Variants in HSP90AB1 observed in about 807,000 individuals in gnomAD.
HSP90AB1 encodes heat shock protein 90 alpha family class B member 1.
In HSP90AB1, 17 loss-of-function variants were observed where a neutral mutation model predicts 67.8. The ratio of observed to expected loss-of-function variants is 0.25; its 90% CI spans 0.17 to 0.38. The LOEUF is 0.38. HSP90AB1 is among the 10% of genes least tolerant of loss of function. The pLI is 1.00. For synonymous variants in HSP90AB1, 390 were observed against 312.9 expected (o/e 1.25, Z -2.60); for missense variants, 690 against 899.9 (o/e 0.77, Z 2.98).
rs1453950334 is a variant in HSP90AB1, at chr6:44,251,309, ATAG to A, written c.1123+100_1123+102del. On this transcript the variant is annotated intron_variant, in intron 7 of 11. Coordinates refer to ENST00000371646, the MANE Select transcript of HSP90AB1 (RefSeq NM_007355.4). ...CTAAGGTAACAGTTTTCTGCAATAC[ATAG>A]TAGGTGTAAGGGTTCAGGAGGCTAT... 38 of 1,533,366 alleles carry A rather than the reference ATAG, an allele frequency of 2.5e-5. No homozygotes were observed. In the African/African-American group the frequency reaches 5.1e-4, roughly 20 times the overall value. 95.0% of individuals were successfully genotyped at this position (1,533,366 alleles called of 1,614,324 possible).
At chr6:44,248,121 TG>T (rs1211539430) in intron 1 of HSP90AB1, 1 of 152,900 alleles carries the variant, frequency 6.5e-6, no homozygotes, top group African/African-American at 2.4e-5. Flanking sequence ...CCCTGCCCTA[TG>T]GGGCAGGAGT....
Position 44,253,129 on chromosome 6 carries a change from A to G in HSP90AB1, c.1816A>G (p.Met606Val), listed in dbSNP as rs756400132. 6.2e-7 allele frequency: 1 copy of G among 1,614,236 alleles called. No individual in the cohort carries two copies. The highest frequency in any genetic ancestry group is 1.1e-5 in the South Asian group (1 of 91,086). ...CTGGACAGCCAATATGGAGCGGATC[A>G]TGAAAGCCCAGGCACTTCGGGACAA... Reference protein sequence around the residue: ...YGWTANMERIMKAQALRDNST... With the variant: ...YGWTANMERIVKAQALRDNST... The change falls in exon 11 of 12, where the codon ATG (methionine) becomes GTG (valine). Residue 606 changes from methionine (M) to valine (V), a missense_variant. Met to Val is a conservative substitution (Grantham distance 21, BLOSUM62 1). Transcript: ENST00000371646.
In HSP90AB1 at chr6:44,253,473, C is replaced by G; in HGVS notation, c.2066-16C>G. ...TGCTATTTGGTCAAGTCTCACATGG[C>G]TTAATTTTACTTCAGGTATTGATGA... On this transcript the variant is annotated splice_polypyrimidine_tract_variant and intron_variant, in intron 11 of 11. Transcript: ENST00000371646. 6.2e-7 allele frequency: 1 copy of G among 1,611,228 alleles called. No homozygotes were observed. The highest frequency in any genetic ancestry group is 8.5e-7 in the Non-Finnish European group (1 of 1,177,544).
intron 1 of HSP90AB1, among the ~76,000 whole-genome samples, chr6:44,247,589 A>C (rs541298668): frequency 6.6e-6 from 1 of 152,316 alleles, no homozygotes; most frequent in African/African-American, 2.4e-5. Context: ...GTGACTCAGC[A>C]CGGCCTTGTG....
chr6:44,246,469 CAGT>C (rs1244684796), upstream of HSP90AB1: 1 of 153,470 alleles, frequency 6.5e-6, no homozygotes, highest in African/African-American at 2.4e-5. Flanking sequence ...GGAAATGCCG[CAGT>C]GCCGCCGCCG....
rs1185231526 is a variant in HSP90AB1 at position 44,253,604 on chromosome 6, G to A, written c.*6G>A. On this transcript the variant is annotated 3_prime_UTR_variant, in exon 12 of 12. Transcript: ENST00000371646. ...GCATGGAAGAAGTCGATTAGGTTAG[G>A]AGTTCATAGTTGGAAAACTTGTGCC... The A allele has an allele frequency of 1.2e-6, 2 of 1,609,736 alleles. No homozygotes were observed. The highest frequency in any genetic ancestry group is 1.7e-4 in the Middle Eastern group (1 of 6,048).
In HSP90AB1 at chr6:44,250,355, A is replaced by G; in HGVS notation, c.713A>G (p.Glu238Gly). The change falls in exon 6 of 12, where the codon GAA becomes GGA. Residue 238 changes from glutamate to glycine, a missense_variant. Coordinates refer to ENST00000371646, the MANE Select transcript of HSP90AB1 (RefSeq NM_007355.4). ...DEAEEEKGEK[E>G]EEDKDDEEKP... ...GCAGAGGAAGAGAAAGGTGAGAAAG[A>G]AGAGGAAGATAAAGATGATGAAGAA... The G allele has an allele frequency of 6.2e-7, 1 of 1,613,828 alleles. No individual in the cohort carries two copies.
chr6:44,251,414 G>C lies in HSP90AB1; in HGVS notation c.1124-4G>C, dbSNP rs895017200. On this transcript the variant is annotated splice_polypyrimidine_tract_variant and splice_region_variant and intron_variant, in intron 7 of 11. Coordinates refer to ENST00000371646, the MANE Select transcript of HSP90AB1 (RefSeq NM_007355.4). ...CTGAGCTTTCTCACCCTGGTTGATG[G>C]CAGATTTTATCCGTGGTGTGGTTGA... 6.3e-6 allele frequency: 10 copies of C among 1,598,598 alleles called. No individual in the cohort carries two copies. In the African/African-American group the frequency reaches 1.3e-4, roughly 22 times the overall value.
chr6:44,251,605 C>T lies in HSP90AB1; in HGVS notation c.1311C>T (p.Leu437=), dbSNP rs1204962232. The change falls in exon 8 of 12, where the codon CTC becomes CTT. Residue 437 remains leucine (L), a synonymous_variant. Transcript: ENST00000371646. The part of the protein sequence containing the change: ...KKFYEAFSKN[L]KLGIHEDSTN... Reference sequence around the variant, plus strand: ...TCTATGAGGCATTCTCTAAAAATCTCAAGGTAAAAAGGCAAATAATGCTTA... The same window carrying T: ...TCTATGAGGCATTCTCTAAAAATCTTAAGGTAAAAAGGCAAATAATGCTTA... 3.1e-6 allele frequency: 5 copies of T among 1,600,776 alleles called. No homozygotes were observed. The highest frequency in any genetic ancestry group is 3.4e-5 in the Admixed American group (2 of 58,176).
At chr6:44,247,366 C>T (rs965788218) in intron 1 of HSP90AB1, among the ~76,000 whole-genome samples, 171 bp downstream of exon 1, 3 of 151,898 alleles carry the variant, frequency 2.0e-5, no homozygotes, top group East Asian at 1.9e-4. Context: ...TTTGAGTCCT[C>T]CTCGGTTTTC....
chr6:44,251,871 C>T lies in HSP90AB1; in HGVS notation c.1449C>T (p.Ile483=), dbSNP rs1780681825. The change falls in exon 9 of 12, where the codon ATC becomes ATT. Residue 483 remains isoleucine (I), a synonymous_variant. Coordinates refer to ENST00000371646, the MANE Select transcript of HSP90AB1 (RefSeq NM_007355.4). ...GCATGAAGGAGACACAGAAGTCCAT[C>T]TATTACATCACTGGTGCGTTGACTC... ...VSRMKETQKS[I]YYITGESKEQ... is the part of the protein sequence containing the mutation. 11 of 1,613,122 alleles carry T rather than the reference C, an allele frequency of 6.8e-6. No homozygotes were observed. The highest frequency in any genetic ancestry group is 2.2e-5 in the East Asian group (1 of 44,880).
intron 2 of HSP90AB1, among the ~76,000 whole-genome samples, chr6:44,249,164 C>T (rs1310769834): frequency 6.6e-6 from 1 of 152,086 alleles, no homozygotes; most frequent in Non-Finnish European, 1.5e-5. Context: ...AACCGCGAGA[C>T]CTTGTCTCTG....
chr6:44,252,904 G>T, intron 10 of HSP90AB1, 141 bp from the exon 11 acceptor site: 1 of 654,312 alleles, frequency 1.5e-6, no homozygotes, highest in East Asian at 2.7e-5. Context: ...TTTGTAGACA[G>T]GGTTTTGCCA....
At chr6:44,248,601 T>C in intron 1 of HSP90AB1, 29 bp from the exon 2 acceptor site, 1 of 1,597,448 alleles carries the variant, frequency 6.3e-7, no homozygotes, top group Non-Finnish European at 8.5e-7. Flanking sequence ...CTTAGTGTTC[T>C]TTTGTAATTA....
rs771016020 is a variant in HSP90AB1, at chr6:44,251,727, ACCC to A, written c.1315-9_1315-7del. On this transcript the variant is annotated splice_polypyrimidine_tract_variant and splice_region_variant and intron_variant, in intron 8 of 11. Coordinates refer to ENST00000371646, the MANE Select transcript of HSP90AB1 (RefSeq NM_007355.4). ...AAGCTGGATTGTTTTTCCTCTTCCC[ACCC>A]TTCAAGCTTGGAATCCACGAAGACT... is the stretch of plus-strand genomic sequence containing the variant. 2 of 1,610,936 alleles carry A rather than the reference ACCC, an allele frequency of 1.2e-6. No individual in the cohort carries two copies. The highest frequency in any genetic ancestry group is 2.7e-5 in the African/African-American group (2 of 74,830).
intron 1 of HSP90AB1, chr6:44,247,747 C>T (rs1320274687): frequency 6.6e-6 from 1 of 152,232 alleles, no homozygotes; most frequent in Non-Finnish European, 1.5e-5. Flanking sequence ...TCTTGCAGTC[C>T]CGGTGGAGGA....
intron 1 of HSP90AB1, 48 bp from the exon 2 acceptor site, chr6:44,248,582 A>C: frequency 6.4e-7 from 1 of 1,566,564 alleles, no homozygotes; most frequent in Non-Finnish European, 8.7e-7. Flanking sequence ...GGATTTTTAA[A>C]CATGGGGCCT....
rs1042231520 is a variant in HSP90AB1 at position 44,251,867 on chromosome 6, C to T, written c.1445C>T (p.Ser482Phe). 1 of 1,612,938 alleles carries T rather than the reference C, an allele frequency of 6.2e-7. No individual in the cohort carries two copies. The highest frequency in any genetic ancestry group is 1.1e-5 in the South Asian group (1 of 91,038). ...TCTCGCATGAAGGAGACACAGAAGT[C>T]CATCTATTACATCACTGGTGCGTTG... ...YVSRMKETQK[S>F]IYYITGESKE... Residue 482 changes from serine to phenylalanine, a missense_variant, in exon 9 of 12, where the codon TCC (serine) becomes TTC (phenylalanine). Physicochemically the swap from Ser to Phe is radical, Grantham distance 155. Coordinates refer to ENST00000371646, the MANE Select transcript of HSP90AB1 (RefSeq NM_007355.4).
intron 2 of HSP90AB1, among the ~76,000 whole-genome samples, chr6:44,249,019 TGAGA>T: frequency 6.6e-6 from 1 of 152,302 alleles, no homozygotes; most frequent in South Asian, 2.1e-4. Context: ...GATTTGAGGC[TGAGA>T]GAGGTAAACC....
Sources: gnomAD v4.1 joint callset for allele counts (sites outside exome capture counted in the v4.1 genomes callset) on GRCh38, gnomAD v4.1.1 for gene constraint, MANE v1.5 for transcripts, NCBI Gene and HGNC (gene_info 2026-07-23, HGNC 2026-07-21) for gene names.